The following ANKRA2 variants were observed in gnomAD, a reference collection of about 807,000 sequenced individuals.
ANKRA2 encodes ankyrin repeat family A protein 2.
In ANKRA2, 33 loss-of-function variants were observed where a neutral mutation model predicts 37.8. The observed-to-expected ratio is 0.87, with a 90% CI of 0.66 to 1.17. ANKRA2 has a LOEUF of 1.17. ANKRA2 is among the 50% of genes most tolerant of loss of function. The pLI is 0.00. For synonymous variants in ANKRA2, 126 were observed against 132.3 expected (o/e 0.95, Z 0.33); for missense variants, 326 against 373.7 (o/e 0.87, Z 1.05).
At chr5:73,555,242 A>G in intron 5 of ANKRA2, 1 of 1,256,796 alleles carries the variant, frequency 8.0e-7, no homozygotes, top group Non-Finnish European at 1.1e-6. Flanking sequence ...CTTCTCCTTC[A>G]AAGCTGACAG....
intron 1 of ANKRA2, among the ~76,000 whole-genome samples, chr5:73,563,763 CTT>C (rs34988500): frequency 0.65 from 98,561 of 151,768 alleles, 32,754 homozygotes; most frequent in East Asian, 0.83. Context: ...TTAATTGCCT[CTT>C]AGGAATTTTG....
At chr5:73,563,521 C>G (rs1747612674) in intron 1 of ANKRA2, among the ~76,000 whole-genome samples, 1 of 152,106 alleles carries the variant, frequency 6.6e-6, no homozygotes. Flanking sequence ...TCTATAACAC[C>G]TGTGATTCCT....
At chr5:73,561,330 T>TA (rs1747548970) in intron 2 of ANKRA2, 42 bp from the exon 3 acceptor site, 5 of 1,552,652 alleles carry the variant, frequency 3.2e-6, no homozygotes, top group Non-Finnish European at 4.4e-6. Context: ...AGCATTTCAG[T>TA]AAGAGTTCTA....
intron 1 of ANKRA2, 120 bp downstream of exon 1, chr5:73,565,012 T>C (rs933353290): frequency 1.3e-5 from 2 of 152,098 alleles, no homozygotes; most frequent in Non-Finnish European, 2.9e-5. Context: ...TCTACGGAGA[T>C]AAAGTGGGCA....
intron 5 of ANKRA2, 198 bp from the exon 6 acceptor site, chr5:73,555,184 C>T: frequency 7.2e-7 from 1 of 1,397,440 alleles, no homozygotes; most frequent in Non-Finnish European, 9.3e-7. Flanking sequence ...TGTATCAATC[C>T]TAATTATCCT....
At chr5:73,564,064 C>G (rs1257107244) in intron 1 of ANKRA2, among the ~76,000 whole-genome samples, 1 of 149,710 alleles carries the variant, frequency 6.7e-6, no homozygotes, top group African/African-American at 2.5e-5. Context: ...TAAACAAAGC[C>G]AAAATCTCCA....
intron 1 of ANKRA2, among the ~76,000 whole-genome samples, chr5:73,564,102 T>C (rs1229662855): frequency 3.3e-5 from 3 of 92,010 alleles, no homozygotes; most frequent in Non-Finnish European, 6.9e-5. Context: ...TAACACATAG[T>C]ATAGTAAGGA....
At chr5:73,564,750 G>A (rs1238872595) in intron 1 of ANKRA2, among the ~76,000 whole-genome samples, 2 of 152,182 alleles carry the variant, frequency 1.3e-5, no homozygotes, top group Non-Finnish European at 2.9e-5. Context: ...GTCTTCGAGA[G>A]GAGAATAGCA....
At chr5:73,554,501 T>C in intron 6 of ANKRA2, 113 bp from the exon 7 acceptor site, 1 of 731,484 alleles carries the variant, frequency 1.4e-6, no homozygotes, top group South Asian at 1.9e-5. Context: ...TAAAGTAATT[T>C]TAATATTTTG....
In ANKRA2 at chr5:73,554,851, A is replaced by AAATT; in HGVS notation, c.738+9_738+10insAATT. ...CTAGAGTCATTTTAAATTTAGTATT[A>AAATT]CAAACTTACCCAATCATATTCATTT... On this transcript the variant is annotated intron_variant, in intron 6 of 8. Transcript: ENST00000296785. 1 of 1,610,044 alleles carries AAATT rather than the reference A, an allele frequency of 6.2e-7. No individual in the cohort carries two copies. The highest frequency in any genetic ancestry group is 1.3e-5 in the African/African-American group (1 of 74,670).
chr5:73,555,421 T>C lies in ANKRA2; in HGVS notation c.612+67A>G, dbSNP rs1747371921. The C allele has an allele frequency of 1.4e-5, 23 of 1,589,966 alleles. No homozygotes were observed. In the South Asian group the frequency reaches 2.6e-4, roughly 18 times the overall value. On this transcript the variant is annotated intron_variant, in intron 5 of 8. Coordinates refer to ENST00000296785, the MANE Select transcript of ANKRA2 (RefSeq NM_023039.5). ...CATTATATCTAGCTGGCTGGATATA[T>C]AAAAACTCTACTAAAGACTTAACTT... is the stretch of plus-strand genomic sequence containing the variant.
At chr5:73,562,388 T>TA (rs202187617) in intron 2 of ANKRA2, 216 of 463,402 alleles carry the variant, frequency 4.7e-4, no homozygotes, top group African/African-American at 3.9e-3. Flanking sequence ...AAGAAGTTTT[T>TA]AAAAAAATCA....
Position 73,555,583 on chromosome 5 carries a change from T to C in ANKRA2, c.517A>G (p.Asn173Asp). 1 of 1,613,308 alleles carries C rather than the reference T, an allele frequency of 6.2e-7. No homozygotes were observed. Among genetic ancestry groups the C allele is most frequent in the Non-Finnish European group, 8.5e-7 (1 of 1,179,754 alleles). ...LYLATRIEQE[N>D]VINHTDEEGF... ...TCTTCATCCGTGTGATTGATAACAT[T>C]TTCTATTTAAAAGAAAAGCAATTTT... Residue 173 changes from asparagine to aspartate, a missense_variant and splice_region_variant, in exon 5 of 9, where the codon AAT (asparagine) becomes GAT (aspartate). This residue lies in a region of ANKRA2 where 228 missense variants were observed against 260.2 expected (regional missense o/e 0.88). Transcript: ENST00000296785.
At chr5:73,558,413 CTT>C (rs1354825392) in intron 3 of ANKRA2, among the ~76,000 whole-genome samples, 2 of 152,178 alleles carry the variant, frequency 1.3e-5, no homozygotes, top group Admixed American at 6.5e-5. Flanking sequence ...TGAAGACACT[CTT>C]TTGTCTTTTT....
chr5:73,563,145 C>T (rs1172730639), intron 1 of ANKRA2, among the ~76,000 whole-genome samples, 160 bp from the exon 2 acceptor site: 1 of 152,136 alleles, frequency 6.6e-6, no homozygotes, highest in African/African-American at 2.4e-5. Context: ...GGGTATGAAT[C>T]CAAACTTTGC....
chr5:73,564,299 A>C (rs770598281), intron 1 of ANKRA2, among the ~76,000 whole-genome samples: 1 of 152,176 alleles, frequency 6.6e-6, no homozygotes, highest in East Asian at 1.9e-4. Flanking sequence ...CCTTTCTCCT[A>C]TCCAGCGGTT....
chr5:73,555,416 A>T (rs886558528), intron 5 of ANKRA2, 72 bp downstream of exon 5: 25 of 1,580,344 alleles, frequency 1.6e-5, no homozygotes, highest in Non-Finnish European at 2.1e-5. Context: ...AGCTGGCTGG[A>T]TATATAAAAA....
intron 2 of ANKRA2, 133 bp downstream of exon 2, chr5:73,562,460 T>G: frequency 3.8e-6 from 3 of 795,138 alleles, no homozygotes; most frequent in Non-Finnish European, 5.7e-6. Flanking sequence ...TTGGTTTCTA[T>G]GAGATTCCAG....
At chr5:73,562,047 C>T (rs949452332) in intron 2 of ANKRA2, among the ~76,000 whole-genome samples, 9 of 152,038 alleles carry the variant, frequency 5.9e-5, no homozygotes, top group African/African-American at 2.2e-4. Flanking sequence ...GACAGAGTCT[C>T]ACTCTGTCAC....
Sources: gnomAD v4.1 joint callset for allele counts (sites outside exome capture counted in the v4.1 genomes callset) on GRCh38, gnomAD v4.1.1 for gene constraint, gnomAD v4.1.1 regional missense constraint, MANE v1.5 for transcripts, NCBI Gene and HGNC (gene_info 2026-07-23, HGNC 2026-07-21) for gene names.